The following DNAH9 variants were observed in gnomAD, a reference collection of about 807,000 sequenced individuals.
DNAH9 encodes DNAH9 variant protein.
Under a neutral mutation model 471.6 loss-of-function variants are expected in DNAH9, and 345 were observed. The observed-to-expected ratio is 0.73, with a 90% CI of 0.67 to 0.80. The LOEUF is 0.80. Among genes scored for constraint, DNAH9 ranks in the 30% least tolerant of loss-of-function variants. The pLI, the probability that DNAH9 is intolerant of heterozygous loss-of-function variation, is 0.00. For synonymous variants in DNAH9, 2,093 were observed against 2,123.6 expected, an observed-to-expected ratio of 0.99 and a Z score of 0.40; for missense variants, 5,407 against 5,609.2, an observed-to-expected ratio of 0.96 and a Z score of 1.15.
At chr17:11,786,218 C>G (rs972326026) in intron 41 of DNAH9, among the ~76,000 whole-genome samples, 3 of 152,184 alleles carry the variant, frequency 2.0e-5, no homozygotes, top group African/African-American at 7.2e-5. Context: ...GAACAGTGGT[C>G]TTGTCCCCTG....
chr17:11,640,089 G>A (rs960400111), intron 9 of DNAH9, among the ~76,000 whole-genome samples, 181 bp from the exon 10 acceptor site: 1 of 152,174 alleles, frequency 6.6e-6, no homozygotes, highest in African/African-American at 2.4e-5. Context: ...GGGAGTGTTC[G>A]TCTCAGGGTT....
intron 26 of DNAH9, among the ~76,000 whole-genome samples, chr17:11,713,261 C>T (rs577469005): frequency 7.2e-5 from 11 of 152,144 alleles, no homozygotes; most frequent in East Asian, 1.9e-4. Context: ...GCATAGTATT[C>T]GGCGGTGTAT....
intron 50 of DNAH9, among the ~76,000 whole-genome samples, chr17:11,868,512 G>T (rs912319364): frequency 2.4e-4 from 37 of 151,918 alleles, no homozygotes; most frequent in African/African-American, 8.5e-4. Flanking sequence ...CCTATACATT[G>T]TGTTAATGGG....
At chr17:11,781,504 A>G (rs1447924141) in intron 39 of DNAH9, among the ~76,000 whole-genome samples, 1 of 152,200 alleles carries the variant, frequency 6.6e-6, no homozygotes, top group Non-Finnish European at 1.5e-5. Flanking sequence ...CCCCTGCACC[A>G]TGGCCCCACA....
At chr17:11,734,316 A>G (rs1044339856) in intron 28 of DNAH9, among the ~76,000 whole-genome samples, 1 of 152,210 alleles carries the variant, frequency 6.6e-6, no homozygotes, top group Admixed American at 6.5e-5. Context: ...GCTGCACATT[A>G]GAATGGCCTG....
chr17:11,774,427 A>T (rs2150885123), intron 38 of DNAH9, among the ~76,000 whole-genome samples: 1 of 152,274 alleles, frequency 6.6e-6, no homozygotes, highest in South Asian at 2.1e-4. Context: ...GGTTTAATGG[A>T]CTCACAGTTC....
In DNAH9 at chr17:11,629,408, TC is replaced by T. The variant is rs770553421; in HGVS notation, c.1351-5del. On this transcript the variant is annotated splice_polypyrimidine_tract_variant and splice_region_variant and intron_variant, in intron 6 of 68. Transcript: ENST00000262442. Reference sequence around the variant, plus strand: ...ATGATTTTAACTTTTTTGTGAATTGTCCCCATAGGGTCTTCTGAAGACGGCC... The same window carrying T: ...ATGATTTTAACTTTTTTGTGAATTGTCCCATAGGGTCTTCTGAAGACGGCC... The T allele has an allele frequency of 8.1e-6, 13 of 1,609,614 alleles. No individual in the cohort carries two copies. The highest frequency in any genetic ancestry group is 1.1e-5 in the Non-Finnish European group (13 of 1,177,618).
intron 45 of DNAH9, among the ~76,000 whole-genome samples, chr17:11,821,518 C>G (rs1970309072): frequency 6.6e-6 from 1 of 151,996 alleles, no homozygotes; most frequent in Non-Finnish European, 1.5e-5. Flanking sequence ...TGTTATGGCC[C>G]TTTTTGCCGG....
At chr17:11,782,832 G>A (rs1003391254) in intron 39 of DNAH9, among the ~76,000 whole-genome samples, 1 of 152,190 alleles carries the variant, frequency 6.6e-6, no homozygotes, top group Admixed American at 6.5e-5. Context: ...AGAAGGTAGA[G>A]GTTGCAGTGA....
At chr17:11,905,418 G>A (rs1297620230) in intron 60 of DNAH9, among the ~76,000 whole-genome samples, 2 of 152,260 alleles carry the variant, frequency 1.3e-5, no homozygotes, top group East Asian at 1.9e-4. Flanking sequence ...GGGAGTCAGC[G>A]ATGGCCTGCC....
intron 38 of DNAH9, among the ~76,000 whole-genome samples, chr17:11,770,905 G>A (rs560833034): frequency 3.4e-4 from 52 of 152,188 alleles, no homozygotes; most frequent in African/African-American, 1.2e-3. Context: ...TACTCCCACC[G>A]TGGCCAATTG....
At chr17:11,655,880 A>G (rs550795316) in intron 14 of DNAH9, among the ~76,000 whole-genome samples, 1 of 150,584 alleles carries the variant, frequency 6.6e-6, no homozygotes, top group African/African-American at 2.4e-5. Context: ...TGGGATATAT[A>G]TATATATATA....
chr17:11,624,591 G>A (rs9898583), intron 6 of DNAH9, among the ~76,000 whole-genome samples: 13,593 of 152,154 alleles, frequency 0.089, 1,957 homozygotes, highest in African/African-American at 0.31. Context: ...ACATAAATGA[G>A]CTCACCCATA....
intron 43 of DNAH9, among the ~76,000 whole-genome samples, chr17:11,798,651 A>G (rs940577651): frequency 6.6e-6 from 1 of 152,028 alleles, no homozygotes; most frequent in East Asian, 1.9e-4. Flanking sequence ...ACCCATTGCC[A>G]GCGCTCACTG....
intron 12 of DNAH9, among the ~76,000 whole-genome samples, chr17:11,647,679 A>G (rs1248965275): frequency 1.3e-5 from 2 of 152,170 alleles, no homozygotes; most frequent in Non-Finnish European, 2.9e-5. Context: ...CCAAGTGCAT[A>G]TAAGACTTGG....
rs780575547 is a variant in DNAH9, at chr17:11,891,806, G to A, written c.11142G>A (p.Val3714=). The A allele has an allele frequency of 3.1e-6, 5 of 1,614,084 alleles. No individual in the cohort carries two copies. Among genetic ancestry groups the A allele is most frequent in the Middle Eastern group, 1.7e-4 (1 of 6,060 alleles). ...TCAGTATCGTCTTCCAGAAGGCTGTGGAGAGGGCTGCTCCTGACGAAAGCC... is the reference window on the plus strand; with the variant it reads ...TCAGTATCGTCTTCCAGAAGGCTGTAGAGAGGGCTGCTCCTGACGAAAGCC... ...KAFSIVFQKA[V]ERAAPDESLR... The change falls in exon 58 of 69, where the codon GTG becomes GTA. Residue 3714 remains valine (V), a synonymous_variant. Coordinates refer to ENST00000262442, the MANE Select transcript of DNAH9 (RefSeq NM_001372.4).
At position 11,769,232 on chromosome 17, in the gene DNAH9, G is replaced by A. The variant is rs367636664; in HGVS notation, c.7455G>A (p.Ser2485=). The change falls in exon 38 of 69, where the codon TCG becomes TCA. Residue 2485 remains serine, a synonymous_variant. Coordinates refer to ENST00000262442, the MANE Select transcript of DNAH9 (RefSeq NM_001372.4). ...MLVGTAGTGK[S]VLVGAKLASL... is the part of the protein sequence containing the mutation. ...TGGGCACGGCTGGCACTGGCAAGTC[G>A]GTGCTGGTGGGAGCTAAGCTGGCCA... The A allele has an allele frequency of 2.9e-5, 47 of 1,614,024 alleles. No individual in the cohort carries two copies. Among genetic ancestry groups the A allele is most frequent in the African/African-American group, 2.7e-4 (20 of 74,920 alleles).
At chr17:11,634,221 C>T (rs1231877633) in intron 8 of DNAH9, among the ~76,000 whole-genome samples, 6 of 152,174 alleles carry the variant, frequency 3.9e-5, no homozygotes, top group African/African-American at 7.2e-5. Flanking sequence ...CATAACCCTC[C>T]GATCCCTTCT....
At position 11,828,901 on chromosome 17, in the gene DNAH9, C is replaced by T. The variant is rs62060902; in HGVS notation, c.9247-5737C>T. On this transcript the variant is annotated intron_variant, in intron 48 of 68. Transcript: ENST00000262442. ...GCTATTAATCCTTCAAGGGCAGGGA[C>T]CAGGATTCATTTTTCTTTTAGCATC... is the stretch of plus-strand genomic sequence containing the variant. Among the ~76,000 whole-genome samples the T allele has an allele frequency of 1.1e-4, 17 of 152,224 alleles. No homozygotes were observed. In the East Asian group the frequency reaches 2.3e-3, roughly 21 times the overall value.
Sources: allele counts gnomAD v4.1 joint callset (sites outside exome capture counted in the v4.1 genomes callset), GRCh38; gene constraint gnomAD v4.1.1; transcripts MANE v1.5; gene names NCBI Gene and HGNC (gene_info 2026-07-23, HGNC 2026-07-21).